TTN: variants seen among roughly 807,000 people sequenced by gnomAD.
The protein encoded by TTN is connectin.
Under a neutral mutation model 3,223.0 loss-of-function variants are expected in TTN, and 1,525 were observed. That is an observed-to-expected ratio of 0.47 (90% CI 0.45 to 0.49). The LOEUF is 0.49. Among genes scored for constraint, TTN ranks in the 20% least tolerant of loss-of-function variants. The pLI, the probability that TTN is intolerant of heterozygous loss-of-function variation, is 0.00. For missense variants in TTN, 40,786 were observed against 43,424.0 expected, an observed-to-expected ratio of 0.94 and a Z score of 5.40; for synonymous variants, 14,094 against 15,161.0, an observed-to-expected ratio of 0.93 and a Z score of 5.17.
At position 178,807,408 on chromosome 2, in the gene TTN, G is replaced by A. The variant is rs2094358589; in HGVS notation, c.-210C>T. 6.6e-6 allele frequency: 1 copy of A among 152,178 alleles called. No homozygotes were observed. Among genetic ancestry groups the A allele is most frequent in the Non-Finnish European group, 1.5e-5 (1 of 68,062 alleles). 9.4% of individuals were successfully genotyped at this position (152,178 alleles called of 1,614,324 possible). On this transcript the variant is annotated 5_prime_UTR_variant, in exon 1 of 363. Coordinates refer to ENST00000589042, the MANE Select transcript of TTN (RefSeq NM_001267550.2). ...ATCCCTACACCCGAGGCGAGGCTGG[G>A]AATGCACGACTGCTCAAGAGCCAGG...
rs1286823167 is a variant in TTN at position 178,777,090 on chromosome 2, T to G, written c.4815-41A>C. 1.9e-6 allele frequency: 3 copies of G among 1,613,958 alleles called. No individual in the cohort carries two copies. In the East Asian group the frequency reaches 6.7e-5, roughly 36 times the overall value. On this transcript the variant is annotated intron_variant, in intron 27 of 362. Transcript: ENST00000589042. ...GGAGGGAATAATCAATATAGTGGTA[T>G]AGCTTCCCTGGTTATTGGATTTGTA...
At chr2:178,596,116 A>G (rs936023122) in intron 294 of TTN, among the ~76,000 whole-genome samples, 7 of 149,954 alleles carry the variant, frequency 4.7e-5, no homozygotes, top group Non-Finnish European at 1.0e-4. Context: ...TCAGCCTCCC[A>G]AGTAGCTGGG....
intron 146 of TTN, 96 bp downstream of exon 146, chr2:178,677,525 A>G: frequency 7.7e-7 from 1 of 1,297,482 alleles, no homozygotes; most frequent in Non-Finnish European, 1.0e-6. Context: ...CACAGAGGGT[A>G]AAGGATTATA....
chr2:178,574,677 C>T lies in TTN; in HGVS notation c.71455G>A (p.Val23819Ile), dbSNP rs1709440654. The T allele has an allele frequency of 1.2e-6, 2 of 1,613,136 alleles. No individual in the cohort carries two copies. The highest frequency in any genetic ancestry group is 1.3e-5 in the African/African-American group (1 of 74,894). Residue 23819 changes from valine to isoleucine, a missense_variant, in exon 326 of 363, where the codon GTT becomes ATT. Coordinates refer to ENST00000589042, the MANE Select transcript of TTN (RefSeq NM_001267550.2). ...VGPGITSACI[V>I]ANYPFKVPGP... ...GGAACCTTAAATGGATAGTTGGCAA[C>T]TATGCATGCTGATGTGATGCCTGGT...
At chr2:178,797,196 T>C (rs2093812232) in intron 6 of TTN, among the ~76,000 whole-genome samples, 1 of 152,166 alleles carries the variant, frequency 6.6e-6, no homozygotes, top group African/African-American at 2.4e-5. Flanking sequence ...TTGGCTTGTG[T>C]TGTGATTTCA....
rs371129005 is a variant in TTN, at chr2:178,564,338, G to A, written c.81794C>T (p.Thr27265Ile). ...SEPSDSSGAI[T>I]ARDEIDAPNA... Reference sequence around the variant, plus strand: ...TGGTGCATCAATTTCATCTCTTGCAGTAATGGCACCACTACTATCAGATGG... The same window carrying A: ...TGGTGCATCAATTTCATCTCTTGCAATAATGGCACCACTACTATCAGATGG... The change falls in exon 326 of 363, where the codon ACT becomes ATT. Residue 27265 changes from threonine (T) to isoleucine (I), a missense_variant. Thr to Ile is a moderately conservative substitution (Grantham distance 89). Coordinates refer to ENST00000589042, the MANE Select transcript of TTN (RefSeq NM_001267550.2). 25 of 1,613,570 alleles carry A rather than the reference G, an allele frequency of 1.5e-5. No homozygotes were observed. In the African/African-American group the frequency reaches 3.1e-4, roughly 20 times the overall value.
At position 178,598,490 on chromosome 2, in the gene TTN, T is replaced by C; in HGVS notation, c.57111+16A>G. 1 of 1,604,854 alleles carries C rather than the reference T, an allele frequency of 6.2e-7. No homozygotes were observed. Among genetic ancestry groups the C allele is most frequent in the African/African-American group, 1.3e-5 (1 of 74,390 alleles). ...GTTTATTCATAGTGCATTTCCTTAG[T>C]GCCAAGTTTTCCTACCTTTTCCCAT... On this transcript the variant is annotated intron_variant, in intron 292 of 362. Transcript: ENST00000589042.
rs2154148189 is a variant in TTN at position 178,549,461 on chromosome 2, G to A, written c.92165C>T (p.Ala30722Val). ...GTTGCTAGGTTCTGGAATGCCAGGG[G>A]CATCAGGAACAGCTGTAAAACAAAA... is the stretch of plus-strand genomic sequence containing the variant. ...VAQIQYTVPD[A>V]PGIPEPSNIT... The change falls in exon 339 of 363, where the codon GCC (alanine) becomes GTC (valine). Residue 30722 changes from alanine to valine, a missense_variant. Transcript: ENST00000589042. 1 of 1,604,122 alleles carries A rather than the reference G, an allele frequency of 6.2e-7. No individual in the cohort carries two copies. The highest frequency in any genetic ancestry group is 1.3e-5 in the African/African-American group (1 of 74,606).
Position 178,532,985 on chromosome 2 carries a change from C to T in TTN, c.103630G>A (p.Glu34544Lys). The change falls in exon 358 of 363, where the codon GAG (glutamate) becomes AAG (lysine). Residue 34544 changes from glutamate (E) to lysine (K), a missense_variant. Physicochemically the swap from Glu to Lys is moderately conservative, Grantham distance 56. Coordinates refer to ENST00000589042, the MANE Select transcript of TTN (RefSeq NM_001267550.2). ...RKLRMPYDVPEPRKYKQTTIE... is the reference protein window; with the variant it reads ...RKLRMPYDVPKPRKYKQTTIE... ...GTAGTCTGCTTATACTTGCGTGGCT[C>T]TGGTACATCATAAGGCATCCGGAGT... 6.2e-7 allele frequency: 1 copy of T among 1,613,888 alleles called. No homozygotes were observed. Among genetic ancestry groups the T allele is most frequent in the Non-Finnish European group, 8.5e-7 (1 of 1,179,874 alleles).
chr2:178,575,319 C>T lies in TTN; in HGVS notation c.70813G>A (p.Val23605Met). ...CTCCCCGCGCTGTTCACTGCCATCA[C>T]TTGGAAGGTATATTCCTCTCCTTCA... ...LTEGEEYTFQ[V>M]MAVNSAGRSA... The change falls in exon 326 of 363, where the codon GTG becomes ATG. Residue 23605 changes from valine to methionine, a missense_variant. Coordinates refer to ENST00000589042, the MANE Select transcript of TTN (RefSeq NM_001267550.2). The surrounding 1 kb of genome is among the most constrained non-coding windows in gnomAD (Gnocchi z 4.0). 6.2e-7 allele frequency: 1 copy of T among 1,613,534 alleles called. No homozygotes were observed. Among genetic ancestry groups the T allele is most frequent in the Non-Finnish European group, 8.5e-7 (1 of 1,179,658 alleles).
chr2:178,618,020 C>T lies in TTN; in HGVS notation c.47331G>A (p.Leu15777=), dbSNP rs1271633363. 1.2e-6 allele frequency: 2 copies of T among 1,612,342 alleles called. No homozygotes were observed. The highest frequency in any genetic ancestry group is 1.7e-6 in the Non-Finnish European group (2 of 1,179,110). The change falls in exon 253 of 363, where the codon CTG becomes CTA. Residue 15777 remains leucine (L), a synonymous_variant. Coordinates refer to ENST00000589042, the MANE Select transcript of TTN (RefSeq NM_001267550.2). ...ITDVNRFGVS[L]TWEPPEYDGG... is the part of the protein sequence containing the mutation. ...CATCATACTCTGGTGGTTCCCATGT[C>T]AGTGAGACACCAAATCGATTCACAT...
In TTN at chr2:178,804,551, C is replaced by A; in HGVS notation, c.91+1G>T. 6.2e-7 allele frequency: 1 copy of A among 1,613,788 alleles called. No individual in the cohort carries two copies. The highest frequency in any genetic ancestry group is 8.5e-7 in the Non-Finnish European group (1 of 1,179,848). On this transcript the variant is annotated splice_donor_variant, in intron 2 of 362. Transcript: ENST00000589042. LOFTEE classifies it high-confidence loss of function. ...ACAAAAGTGTGAATGTGTGAGCTTACCACTAATGTGAGCCTCAAAGGTTGC... is the reference window on the plus strand; with the variant it reads ...ACAAAAGTGTGAATGTGTGAGCTTAACACTAATGTGAGCCTCAAAGGTTGC...
In TTN at chr2:178,681,060, A is replaced by C. The variant is rs1291107361; in HGVS notation, c.33340+19T>G. ...GAGGCATCAGAAAAGATCACAATCG[A>C]GGAAGGAAATCATTATACCTTTAGC... On this transcript the variant is annotated intron_variant, in intron 138 of 362. Transcript: ENST00000589042. 6.4e-7 allele frequency: 1 copy of C among 1,574,618 alleles called. No homozygotes were observed. Among genetic ancestry groups the C allele is most frequent in the African/African-American group, 1.4e-5 (1 of 72,846 alleles).
chr2:178,592,084 A>G lies in TTN; in HGVS notation c.59820T>C (p.His19940=), dbSNP rs1559599178. ...AGAGGTACTGGTTGCCTTCATTCAG[A>G]TGCTTAGCGAAGTGACTCTTTTTCT... The part of the protein sequence containing the change: ...TSKKKSHFAK[H]LNEGNQYLFR... The change falls in exon 302 of 363, where the codon CAT becomes CAC. Residue 19940 remains histidine, a synonymous_variant. Coordinates refer to ENST00000589042, the MANE Select transcript of TTN (RefSeq NM_001267550.2). 1 of 1,612,964 alleles carries G rather than the reference A, an allele frequency of 6.2e-7. No individual in the cohort carries two copies. The highest frequency in any genetic ancestry group is 8.5e-7 in the Non-Finnish European group (1 of 1,179,492).
At chr2:178,637,284 T>G (rs1345023398) in intron 224 of TTN, 85 bp downstream of exon 224, 8 of 914,030 alleles carry the variant, frequency 8.8e-6, no homozygotes, top group Non-Finnish European at 1.2e-5. Flanking sequence ...TGTTATGAAT[T>G]TTGAAATTTT....
intron 307 of TTN, 71 bp from the exon 308 acceptor site, chr2:178,586,878 G>C (rs1305611578): frequency 1.3e-6 from 2 of 1,559,552 alleles, no homozygotes; most frequent in Non-Finnish European, 1.7e-6. Flanking sequence ...ATGTACATAA[G>C]AGTTTTAGTA....
rs777609108 is a variant in TTN at position 178,635,207 on chromosome 2, A to G, written c.41982T>C (p.Pro13994=). Residue 13994 remains proline (P), a synonymous_variant, in exon 228 of 363, where the codon CCT becomes CCC. Coordinates refer to ENST00000589042, the MANE Select transcript of TTN (RefSeq NM_001267550.2). ...GTTCTCCTTTCAGTTTCCATTGTCCAGGAATGTCTGCCTCTGAGATTTCTG... is the reference window on the plus strand; with the variant it reads ...GTTCTCCTTTCAGTTTCCATTGTCCGGGAATGTCTGCCTCTGAGATTTCTG... The part of the protein sequence containing the change: ...FDAEISEADI[P]GQWKLKGELL... 2.0e-5 allele frequency: 32 copies of G among 1,613,254 alleles called. No individual in the cohort carries two copies. The African/African-American group carries it at 2.9e-4, about 15-fold the overall frequency.
Position 178,563,563 on chromosome 2 carries a change from T to C in TTN, c.82569A>G (p.Thr27523=). The C allele has an allele frequency of 6.2e-7, 1 of 1,613,836 alleles. No individual in the cohort carries two copies. Among genetic ancestry groups the C allele is most frequent in the Non-Finnish European group, 8.5e-7 (1 of 1,179,768 alleles). The part of the protein sequence containing the change: ...GVRWTKCNKK[T]LTDLRLRVTG... ...TTACCCTGAGCCGCAGATCCGTTAA[T>C]GTTTTCTTGTTGCACTTGGTCCATC... Residue 27523 remains threonine (T), a synonymous_variant, in exon 326 of 363, where the codon ACA becomes ACG. Coordinates refer to ENST00000589042, the MANE Select transcript of TTN (RefSeq NM_001267550.2). The surrounding 1 kb of genome is among the most constrained non-coding windows in gnomAD (Gnocchi z 4.5).
Position 178,565,102 on chromosome 2 carries a change from T to C in TTN, c.81030A>G (p.Val27010=). Residue 27010 remains valine, a synonymous_variant, in exon 326 of 363, where the codon GTA becomes GTG. Transcript: ENST00000589042. ...TGGCQISNYI[V]EKRDTTTTTW... is the part of the protein sequence containing the mutation. The stretch of plus-strand genomic sequence containing the variant: ...TGGTGGTGGTTGTATCTCGCTTCTC[T>C]ACAATGTAGTTGCTTATTTGGCAGC... The C allele has an allele frequency of 6.2e-7, 1 of 1,613,608 alleles. No individual in the cohort carries two copies. Among genetic ancestry groups the C allele is most frequent in the Non-Finnish European group, 8.5e-7 (1 of 1,179,644 alleles).
Sources: gnomAD v4.1 joint callset for allele counts (sites outside exome capture counted in the v4.1 genomes callset) on GRCh38, gnomAD v4.1.1 for gene constraint, Gnocchi (gnomAD v3.1) non-coding constraint, MANE v1.5 for transcripts, NCBI Gene and HGNC (gene_info 2026-07-23, HGNC 2026-07-21) for gene names.